COL25A1: variants seen among roughly 807,000 people sequenced by gnomAD.
The protein encoded by COL25A1 is collagen type XXV alpha 1 chain.
In COL25A1, 103 loss-of-function variants were observed where a neutral mutation model predicts 128.4. The observed-to-expected ratio is 0.80, with a 90% confidence interval of 0.68 to 0.94. The LOEUF is 0.94. COL25A1 is among the 40% of genes least tolerant of loss of function. The pLI is 0.00. For synonymous variants in COL25A1, 279 were observed against 277.2 expected (o/e 1.01, Z -0.06); for missense variants, 745 against 840.0 (o/e 0.89, Z 1.40).
chr4:109,041,932 T>C (rs887460858), intron 5 of COL25A1, among the ~76,000 whole-genome samples: 24 of 152,130 alleles, frequency 1.6e-4, no homozygotes, highest in Non-Finnish European at 2.8e-4. Context: ...TATCTTAAGG[T>C]CCGTCTGTTA....
At chr4:109,149,437 G>C (rs1217867731) in intron 3 of COL25A1, among the ~76,000 whole-genome samples, 1 of 151,962 alleles carries the variant, frequency 6.6e-6, no homozygotes, top group Admixed American at 6.6e-5. Flanking sequence ...AGGCTGGTTG[G>C]CATCAGTGAA....
chr4:109,059,611 A>G (rs1209402214), intron 3 of COL25A1, among the ~76,000 whole-genome samples: 1 of 152,212 alleles, frequency 6.6e-6, no homozygotes, highest in Non-Finnish European at 1.5e-5. Flanking sequence ...AGTTAAAAAG[A>G]CACTGTTCTC....
intron 3 of COL25A1, among the ~76,000 whole-genome samples, chr4:109,297,848 T>C (rs1025077423): frequency 4.1e-4 from 62 of 149,516 alleles, no homozygotes; most frequent in Middle Eastern, 3.5e-3. Flanking sequence ...GTATTATTAG[T>C]CTTTTTTCCT....
intron 3 of COL25A1, among the ~76,000 whole-genome samples, chr4:109,297,524 A>G (rs940998994): frequency 6.6e-6 from 1 of 152,254 alleles, no homozygotes; most frequent in African/African-American, 2.4e-5. Context: ...ATAAATATCA[A>G]AAAAGAACCA....
At chr4:109,217,072 T>C (rs996771566) in intron 3 of COL25A1, among the ~76,000 whole-genome samples, 29 of 152,154 alleles carry the variant, frequency 1.9e-4, no homozygotes, top group Non-Finnish European at 4.3e-4. Flanking sequence ...CTTTTCTTAA[T>C]TTTTAATGCA....
chr4:108,980,085 G>T (rs1187403730), intron 6 of COL25A1, among the ~76,000 whole-genome samples: 1 of 152,186 alleles, frequency 6.6e-6, no homozygotes, highest in Non-Finnish European at 1.5e-5. Context: ...TAGCAGGAAA[G>T]AGATTTTAAA....
chr4:109,115,306 T>C (rs1490563357), intron 3 of COL25A1, among the ~76,000 whole-genome samples: 1 of 152,090 alleles, frequency 6.6e-6, no homozygotes, highest in African/African-American at 2.4e-5. Flanking sequence ...AGAACTGCTA[T>C]AGGATTAATG....
intron 3 of COL25A1, among the ~76,000 whole-genome samples, chr4:109,172,729 A>G (rs927273187): frequency 6.6e-5 from 10 of 152,182 alleles, no homozygotes; most frequent in African/African-American, 2.4e-4. Context: ...ACAGCATCCT[A>G]AAACCTCTTA....
At chr4:109,035,952 G>C (rs1242807128) in intron 5 of COL25A1, among the ~76,000 whole-genome samples, 1 of 151,782 alleles carries the variant, frequency 6.6e-6, no homozygotes, top group Non-Finnish European at 1.5e-5. Flanking sequence ...TTCTGAGACA[G>C]AGTCTCACTC....
In COL25A1 at chr4:109,229,794, T is replaced by C. The variant is rs533157581; in HGVS notation, c.367+70789A>G. Among the ~76,000 whole-genome samples the C allele has an allele frequency of 3.9e-5, 6 of 152,244 alleles. No individual in the cohort carries two copies. In the East Asian group the frequency reaches 5.8e-4, roughly 15 times the overall value. On this transcript the variant is annotated intron_variant, in intron 3 of 37. Coordinates refer to ENST00000399132, the MANE Select transcript of COL25A1 (RefSeq NM_198721.4). ...GATGGCTGTGCAAGTGCTGTGAATA[T>C]TGATTTGGAGGGTATGCTGGGCTGT...
At position 108,974,378 on chromosome 4, in the gene COL25A1, G is replaced by A; in HGVS notation, c.481C>T (p.Gln161Ter). ...AGAGCACAACTTACCCTAGGTCCCT[G>A]ATCACCTTGTTCTCCCTGTAGAATA... ...PKGDKGEQGD[Q>*]GPRMVFPKIN... The change falls in exon 8 of 38, where the codon CAG (glutamine) becomes TAG (stop). Residue 161 changes from glutamine to a stop codon, truncating the protein, a stop_gained. Coordinates refer to ENST00000399132, the MANE Select transcript of COL25A1 (RefSeq NM_198721.4). LOFTEE classifies it high-confidence loss of function. 1 of 1,613,928 alleles carries A rather than the reference G, an allele frequency of 6.2e-7. No individual in the cohort carries two copies. The highest frequency in any genetic ancestry group is 1.1e-5 in the South Asian group (1 of 91,066).
intron 3 of COL25A1, among the ~76,000 whole-genome samples, chr4:109,137,515 C>T (rs1333673848): frequency 6.6e-6 from 1 of 152,174 alleles, no homozygotes; most frequent in Non-Finnish European, 1.5e-5. Context: ...CATCTCCAAC[C>T]TGGACCACTG....
At chr4:109,057,664 G>A (rs1366969641) in intron 3 of COL25A1, among the ~76,000 whole-genome samples, 1 of 151,818 alleles carries the variant, frequency 6.6e-6, no homozygotes, top group African/African-American at 2.4e-5. Context: ...CAGAACTGTG[G>A]TAAATCTAAT....
intron 36 of COL25A1, 99 bp downstream of exon 36, chr4:108,819,153 T>C: frequency 1.2e-6 from 1 of 866,702 alleles, no homozygotes; most frequent in South Asian, 1.8e-5. Context: ...GTTTATCATG[T>C]AAAGCTTGCC....
chr4:108,852,406 G>T, intron 25 of COL25A1, 126 bp from the exon 26 acceptor site: 3 of 709,114 alleles, frequency 4.2e-6, no homozygotes, highest in African/African-American at 1.9e-5. Flanking sequence ...ATATAAATTT[G>T]CAATGAGGAA....
Position 108,940,523 on chromosome 4 carries a change from C to A in COL25A1, c.672+16G>T, listed in dbSNP as rs1472643692. 6.2e-7 allele frequency: 1 copy of A among 1,602,856 alleles called. No homozygotes were observed. The highest frequency in any genetic ancestry group is 1.7e-5 in the Admixed American group (1 of 59,998). On this transcript the variant is annotated intron_variant, in intron 10 of 37. Coordinates refer to ENST00000399132, the MANE Select transcript of COL25A1 (RefSeq NM_198721.4). ...AGCAAAACGTGTGAGAATAAGTGAT[C>A]CAAAAAGCGACTCACGGGTACTCCT...
intron 3 of COL25A1, among the ~76,000 whole-genome samples, chr4:109,130,195 A>G (rs1769049880): frequency 6.6e-6 from 1 of 152,140 alleles, no homozygotes; most frequent in African/African-American, 2.4e-5. Context: ...CATACTGATG[A>G]GGATGATTAA....
At chr4:109,086,266 G>A (rs900458606) in intron 3 of COL25A1, among the ~76,000 whole-genome samples, 2 of 152,156 alleles carry the variant, frequency 1.3e-5, no homozygotes, top group Non-Finnish European at 2.9e-5. Context: ...CTGGCCAAAG[G>A]ATGCTGAGTG....
chr4:109,011,573 T>C (rs1349723738), intron 5 of COL25A1, among the ~76,000 whole-genome samples: 2 of 152,180 alleles, frequency 1.3e-5, no homozygotes, highest in Non-Finnish European at 2.9e-5. Flanking sequence ...GATATGCTAT[T>C]ATATTTATTT....
Sources: allele counts gnomAD v4.1 joint callset (sites outside exome capture counted in the v4.1 genomes callset), GRCh38; gene constraint gnomAD v4.1.1; transcripts MANE v1.5; gene names NCBI Gene and HGNC (gene_info 2026-07-23, HGNC 2026-07-21).